CIITA: variants seen among roughly 807,000 people sequenced by gnomAD.
The protein encoded by CIITA is class II major histocompatibility complex transactivator.
CIITA carries 72 observed loss-of-function variants against 115.1 expected under a neutral mutation model. The ratio of observed to expected loss-of-function variants is 0.63; its 90% CI spans 0.52 to 0.76. CIITA has a LOEUF of 0.76. Ranked by LOEUF, CIITA falls within the 30% of genes least tolerant of loss-of-function variation. The pLI, the probability that CIITA is intolerant of heterozygous loss-of-function variation, is 0.00. For synonymous variants in CIITA, 763 were observed against 635.6 expected, an observed-to-expected ratio of 1.20 and a Z score of -3.02; for missense variants, 1,617 against 1,463.8, an observed-to-expected ratio of 1.10 and a Z score of -1.71.
intron 1 of CIITA, among the ~76,000 whole-genome samples, chr16:10,870,438 C>T (rs2035404843): frequency 6.6e-6 from 1 of 152,158 alleles, no homozygotes; most frequent in African/African-American, 2.4e-5. Flanking sequence ...CCAGTGAGTC[C>T]CAAGAGTCAA....
chr16:10,906,640 C>T lies in CIITA; in HGVS notation c.1148C>T (p.Ala383Val), dbSNP rs763945523. ...AGCAAGAGCCTGGAGCGGGAACTGG[C>T]CACCCCGGACTGGGCAGAACGGCAG... ...SSSKSLEREL[A>V]TPDWAERQLA... Residue 383 changes from alanine to valine, a missense_variant, in exon 11 of 20, where the codon GCC becomes GTC. By Grantham distance (64) the Ala-to-Val change is moderately conservative. Transcript: ENST00000324288. The T allele has an allele frequency of 6.2e-7, 1 of 1,613,804 alleles. No individual in the cohort carries two copies. The highest frequency in any genetic ancestry group is 8.5e-7 in the Non-Finnish European group (1 of 1,179,964).
intron 1 of CIITA, among the ~76,000 whole-genome samples, chr16:10,886,904 A>G (rs1409289410): frequency 6.6e-6 from 1 of 152,158 alleles, no homozygotes; most frequent in African/African-American, 2.4e-5. Flanking sequence ...TCTCTCCTAA[A>G]ATATCATCTG....
At chr16:10,899,072 G>C (rs1000992969) in intron 5 of CIITA, 70 bp downstream of exon 5, 23 of 1,481,722 alleles carry the variant, frequency 1.6e-5, no homozygotes, top group Admixed American at 3.4e-5. Flanking sequence ...TCCAAAGCCT[G>C]CTGTGGGTCC....
exon 1 of CIITA, chr16:10,866,260 AG>A (rs778916992): frequency 9.2e-6 from 5 of 541,154 alleles, no homozygotes; most frequent in Non-Finnish European, 1.8e-5. Context: ...GGCACTGGCC[AG>A]GGCAGCTGCC....
At position 10,901,955 on chromosome 16, in the gene CIITA, C is replaced by A. The variant is rs745636357; in HGVS notation, c.482-83C>A. On this transcript the variant is annotated intron_variant, in intron 6 of 19. Coordinates refer to ENST00000324288, the MANE Select transcript of CIITA (RefSeq NM_000246.4). The surrounding 1 kb of genome is among the most constrained non-coding windows in gnomAD (Gnocchi z 6.8). ...CAAGCATTTCCTCTGTCAGGAGAGA[C>A]ATCCATGCCACTCCAGGGCCCTCCC... 3 of 1,557,456 alleles carry A rather than the reference C, an allele frequency of 1.9e-6. No homozygotes were observed. The highest frequency in any genetic ancestry group is 3.3e-5 in the Admixed American group (2 of 59,908).
intron 1 of CIITA, among the ~76,000 whole-genome samples, chr16:10,890,287 CT>C (rs35831308): frequency 0.054 from 7,747 of 143,168 alleles, 656 homozygotes; most frequent in African/African-American, 0.18. Context: ...CTGTGGGGGC[CT>C]TTTTTTTTTT....
In CIITA at chr16:10,901,920, GAGA is replaced by G. The variant is rs2038798489; in HGVS notation, c.482-114_482-112del. ...GATCAACACAGCTGCAGCCAGGGCT[GAGA>G]AGATGACAAGCATTTCCTCTGTCAG... On this transcript the variant is annotated intron_variant, in intron 6 of 19. Coordinates refer to ENST00000324288, the MANE Select transcript of CIITA (RefSeq NM_000246.4). This position sits in a 1 kb window ranked among gnomAD's most constrained non-coding sequence, Gnocchi z 6.8. 6.4e-6 allele frequency: 9 copies of G among 1,406,480 alleles called. No homozygotes were observed. Among genetic ancestry groups the G allele is most frequent in the African/African-American group, 5.6e-5 (4 of 71,002 alleles). 87.1% of individuals were successfully genotyped at this position (1,406,480 alleles called of 1,614,324 possible).
chr16:10,923,637 G>A lies in CIITA; in HGVS notation c.*23-241G>A, dbSNP rs569822779. 5.3e-4 allele frequency among the ~76,000 whole-genome samples: 81 copies of A among 152,230 alleles called. 3 individuals are homozygous for A. Among genetic ancestry groups the A allele is most frequent in the Non-Finnish European group, 1.2e-4 (8 of 68,002 alleles). ...TCCAAGCCTTCCCAGCTGCTGTTTCGGCTTGGTGGCTGCCCTGATGCTCCG... is the reference window on the plus strand; with the variant it reads ...TCCAAGCCTTCCCAGCTGCTGTTTCAGCTTGGTGGCTGCCCTGATGCTCCG... On this transcript the variant is annotated intron_variant, in intron 19 of 19. Transcript: ENST00000324288. The surrounding 1 kb of genome is among the most constrained non-coding windows in gnomAD (Gnocchi z 5.2).
intron 14 of CIITA, 35 bp from the exon 15 acceptor site, chr16:10,916,332 G>T (rs370296367): frequency 5.0e-6 from 8 of 1,603,330 alleles, no homozygotes; most frequent in African/African-American, 1.3e-5. Context: ...GCCCCAGGAC[G>T]CTAGCTGATG....
rs2041103293 is a variant in CIITA at position 10,941,579 on chromosome 16, G to A, written n.705G>A. 5 of 1,459,088 alleles carry A rather than the reference G, an allele frequency of 3.4e-6. No homozygotes were observed. The highest frequency in any genetic ancestry group is 5.7e-5 in the Admixed American group (2 of 35,216). 90.4% of individuals were successfully genotyped at this position (1,459,088 alleles called of 1,614,324 possible). A position where few individuals can be genotyped will look rare whatever the true frequency, so the allele number is the denominator to read the frequency against. The stretch of plus-strand genomic sequence containing the variant: ...AGAGAGGGCACTTACAGGCCTCGGA[G>A]GCAGGGGAGGGTCTCCTCCTGGGGA... On this transcript the variant is annotated non_coding_transcript_exon_variant, in exon 2 of 2. Coordinates refer to the CIITA transcript ENST00000573379. The surrounding 1 kb of genome is among the most constrained non-coding windows in gnomAD (Gnocchi z 6.4).
intron 5 of CIITA, among the ~76,000 whole-genome samples, chr16:10,900,276 G>T (rs898400171): frequency 6.6e-6 from 1 of 152,066 alleles, no homozygotes; most frequent in Non-Finnish European, 1.5e-5. Context: ...ACACTATTCT[G>T]CATTTTGCTT....
At chr16:10,876,066 G>T (rs1032599995), upstream of CIITA, among the ~76,000 whole-genome samples, 1 of 152,002 alleles carries the variant, frequency 6.6e-6, no homozygotes, top group Non-Finnish European at 1.5e-5. Flanking sequence ...AGGAGAATCA[G>T]TTGAACCCAG....
intron 13 of CIITA, 48 bp downstream of exon 13, chr16:10,910,307 T>A: frequency 6.6e-7 from 1 of 1,505,332 alleles, no homozygotes; most frequent in Non-Finnish European, 9.2e-7. Context: ...AGGTTTCCCC[T>A]GCAGCATTAG....
rs1432556872 is a variant in CIITA at position 10,902,643 on chromosome 16, C to T, written c.629-15C>T. 1 of 1,614,198 alleles carries T rather than the reference C, an allele frequency of 6.2e-7. No individual in the cohort carries two copies. The highest frequency in any genetic ancestry group is 8.5e-7 in the Non-Finnish European group (1 of 1,180,024). ...GCTATGCAAGATCCCACCTCACTGCCTTTGTCTCTTGCAGTGCCTTTCTCC... is the reference window on the plus strand; with the variant it reads ...GCTATGCAAGATCCCACCTCACTGCTTTTGTCTCTTGCAGTGCCTTTCTCC... On this transcript the variant is annotated splice_polypyrimidine_tract_variant and intron_variant, in intron 7 of 19. Coordinates refer to ENST00000324288, the MANE Select transcript of CIITA (RefSeq NM_000246.4).
chr16:10,894,499 A>G (rs2037923699), intron 1 of CIITA, among the ~76,000 whole-genome samples: 4 of 152,174 alleles, frequency 2.6e-5, no homozygotes. Flanking sequence ...TATGATACAT[A>G]TTTATGGGGT....
At chr16:10,867,654 G>C (rs2035179862) in intron 1 of CIITA, among the ~76,000 whole-genome samples, 1 of 152,164 alleles carries the variant, frequency 6.6e-6, no homozygotes. Flanking sequence ...AAACCAGAAA[G>C]ACAAGCCTGC....
Position 10,931,528 on chromosome 16 carries a change from T to C in CIITA, c.*7673T>C, listed in dbSNP as rs2040794478. The C allele has an allele frequency of 6.6e-6, 1 of 152,232 alleles. No homozygotes were observed. Among genetic ancestry groups the C allele is most frequent in the African/African-American group, 2.4e-5 (1 of 41,472 alleles). The allele number at this position is 152,232 out of a possible 1,614,324, so 9.4% of individuals were successfully genotyped here. Reference sequence around the variant, plus strand: ...GTTACCTTCTATTTATAGCAAGTGATGCCAAGTTTCCATTTCTGGTAGTAA... The same window carrying C: ...GTTACCTTCTATTTATAGCAAGTGACGCCAAGTTTCCATTTCTGGTAGTAA... On this transcript the variant is annotated 3_prime_UTR_variant, in exon 20 of 20. Transcript: ENST00000324288.
At chr16:10,866,500 C>T (rs746346267) in intron 1 of CIITA, 1 of 559,122 alleles carries the variant, frequency 1.8e-6, no homozygotes, top group Non-Finnish European at 3.5e-6. Flanking sequence ...GGATTTGGCC[C>T]TCCTGGGGTG....
In CIITA at chr16:10,907,790, C is replaced by A. The variant is rs749317381; in HGVS notation, c.2298C>A (p.Pro766=). 6.2e-7 allele frequency: 1 copy of A among 1,614,192 alleles called. No homozygotes were observed. The highest frequency in any genetic ancestry group is 1.1e-5 in the South Asian group (1 of 91,080). The change falls in exon 11 of 20, where the codon CCC becomes CCA. Residue 766 remains proline, a synonymous_variant. Transcript: ENST00000324288. This position sits in a 1 kb window ranked among gnomAD's most constrained non-coding sequence, Gnocchi z 5.0. Reference sequence around the variant, plus strand: ...TGGCTGGGCTGATCTTCCAGCCTCCCGCCCGCTGCCTGGGAGCCCTACTCG... The same window carrying A: ...TGGCTGGGCTGATCTTCCAGCCTCCAGCCCGCTGCCTGGGAGCCCTACTCG... ...RFLAGLIFQP[P]ARCLGALLGP... is the part of the protein sequence containing the mutation.
Sources: allele counts gnomAD v4.1 joint callset (sites outside exome capture counted in the v4.1 genomes callset), GRCh38; gene constraint gnomAD v4.1.1; non-coding constraint Gnocchi (gnomAD v3.1); transcripts MANE v1.5; gene names NCBI Gene and HGNC (gene_info 2026-07-23, HGNC 2026-07-21).